Variants in COQ8A observed in about 807,000 individuals in gnomAD.
COQ8A encodes the protein atypical kinase COQ8A, mitochondrial.
COQ8A carries 51 observed loss-of-function variants against 65.0 expected under a neutral mutation model. The ratio of observed to expected loss-of-function variants is 0.78; its 90% CI spans 0.63 to 0.99. The LOEUF is 0.99. COQ8A is among the 50% of genes least tolerant of loss of function. The probability of loss-of-function intolerance (pLI) is 0.00; values close to 1 mark genes in which losing one functional copy is unlikely to be tolerated. For synonymous variants in COQ8A, 371 were observed against 353.2 expected (o/e 1.05, Z -0.57); for missense variants, 940 against 875.0 (o/e 1.07, Z -0.94).
rs1280896156 is a variant in COQ8A at position 226,978,621 on chromosome 1, T to C, written c.730+1098T>C. Among the ~76,000 whole-genome samples the C allele has an allele frequency of 3.5e-5, 2 of 57,722 alleles. 1 individual carries two copies. Among genetic ancestry groups the C allele is most frequent in the Non-Finnish European group, 8.5e-5 (2 of 23,540 alleles). The allele number at this position is 57,722 out of a possible 152,430, so 37.9% of individuals were successfully genotyped here. A position where few individuals can be genotyped will look rare whatever the true frequency, so the allele number is the denominator to read the frequency against. The stretch of plus-strand genomic sequence containing the variant: ...CTACCCTCTACACACCCGCCCACCT[T>C]ACACTCCACACACCCGCCCACCTCC... On this transcript the variant is annotated intron_variant, in intron 5 of 14. Coordinates refer to ENST00000366777, the MANE Select transcript of COQ8A (RefSeq NM_020247.5).
Position 226,986,967 on chromosome 1 carries a change from G to C in COQ8A, c.*230G>C, listed in dbSNP as rs117808661. Reference sequence around the variant, plus strand: ...CCCACTGCTCGGTCAGTCTGCCTCCGTGTGTCCTCTGAAATAAGCAGATGA... The same window carrying C: ...CCCACTGCTCGGTCAGTCTGCCTCCCTGTGTCCTCTGAAATAAGCAGATGA... On this transcript the variant is annotated 3_prime_UTR_variant, in exon 15 of 15. Transcript: ENST00000366777. The C allele has an allele frequency of 8.4e-6, 5 of 594,214 alleles. No individual in the cohort carries two copies. The highest frequency in any genetic ancestry group is 5.7e-5 in the East Asian group (2 of 35,100). The allele number at this position is 594,214 out of a possible 1,614,324, so 36.8% of individuals were successfully genotyped here. A position where few individuals can be genotyped will look rare whatever the true frequency, so the allele number is the denominator to read the frequency against.
At chr1:226,964,712 C>T (rs1057391821) in intron 2 of COQ8A, among the ~76,000 whole-genome samples, 1 of 152,226 alleles carries the variant, frequency 6.6e-6, no homozygotes, top group African/African-American at 2.4e-5. Flanking sequence ...GTGAGGAACC[C>T]GCTGCGGGCG....
At chr1:226,960,279 T>TGGC (rs1558187045) in intron 1 of COQ8A, among the ~76,000 whole-genome samples, 5 of 56,912 alleles carry the variant, frequency 8.8e-5, no homozygotes, top group Non-Finnish European at 1.2e-4. Context: ...TTGGTGGCGG[T>TGGC]GGTACTTGGT....
intron 1 of COQ8A, among the ~76,000 whole-genome samples, chr1:226,941,533 G>T (rs952935224): frequency 1.3e-5 from 2 of 152,108 alleles, no homozygotes; most frequent in African/African-American, 4.8e-5. Context: ...TTGGGAGTCC[G>T]AGGCGGGTGG....
chr1:226,948,337 G>T (rs941346313), intron 1 of COQ8A, among the ~76,000 whole-genome samples: 7 of 152,146 alleles, frequency 4.6e-5, no homozygotes, highest in African/African-American at 1.7e-4. Context: ...ACTCTGCCCT[G>T]CCTGCCTCCC....
At chr1:226,965,561 G>T in intron 3 of COQ8A, 110 bp from the exon 4 acceptor site, 1 of 1,504,266 alleles carries the variant, frequency 6.6e-7, no homozygotes, top group East Asian at 2.3e-5. Flanking sequence ...GCTGTCAGGC[G>T]GAGCTGCTGA....
Position 226,977,995 on chromosome 1 carries a change from CCTT to C in COQ8A, c.730+473_730+475del, listed in dbSNP as rs1659355651. On this transcript the variant is annotated intron_variant, in intron 5 of 14. Coordinates refer to ENST00000366777, the MANE Select transcript of COQ8A (RefSeq NM_020247.5). ...ACACCCACTGAACACCCACACACCT[CCTT>C]ATACCTCCTGCACACCCACCGAACA... 1.4e-5 allele frequency among the ~76,000 whole-genome samples: 2 copies of C among 147,434 alleles called. 1 individual carries two copies. The highest frequency in any genetic ancestry group is 4.4e-4 in the South Asian group (2 of 4,536).
At position 226,957,285 on chromosome 1, in the gene COQ8A, C is replaced by CT. The variant is rs1558184873; in HGVS notation, c.-9-4092_-9-4091insT. On this transcript the variant is annotated intron_variant, in intron 1 of 14. Coordinates refer to ENST00000366777, the MANE Select transcript of COQ8A (RefSeq NM_020247.5). ...TCCCAGATTCACACTCTCCCTGCCCCCCCCCCCCCACCTCCCTGGTTCACA... is the reference window on the plus strand; with the variant it reads ...TCCCAGATTCACACTCTCCCTGCCCCTCCCCCCCCCACCTCCCTGGTTCACA... Among the ~76,000 whole-genome samples the CT allele has an allele frequency of 1.5e-5, 2 of 134,098 alleles. 1 individual carries two copies. The highest frequency in any genetic ancestry group is 3.4e-5 in the Non-Finnish European group (2 of 59,298). 88.0% of individuals were successfully genotyped at this position (134,098 alleles called of 152,430 possible). A position where few individuals can be genotyped will look rare whatever the true frequency, so the allele number is the denominator to read the frequency against.
At chr1:226,963,437 C>T (rs1572043273) in intron 2 of COQ8A, among the ~76,000 whole-genome samples, 1 of 133,570 alleles carries the variant, frequency 7.5e-6, no homozygotes, top group Non-Finnish European at 1.6e-5. Context: ...GCCCTGGGGA[C>T]CCCCCCACTG....
intron 1 of COQ8A, among the ~76,000 whole-genome samples, chr1:226,947,817 ATC>A (rs923077896): frequency 1.1e-4 from 15 of 142,336 alleles, no homozygotes; most frequent in African/African-American, 3.7e-4. Context: ...ATATATATAT[ATC>A]TATCTGCCTG....
chr1:226,985,452 C>A, intron 14 of COQ8A, 112 bp downstream of exon 14: 1 of 1,252,138 alleles, frequency 8.0e-7, no homozygotes, highest in Non-Finnish European at 1.2e-6. Context: ...CCCCAGAGCC[C>A]GGGCCTCCTT....
chr1:226,983,068 G>T (rs1412961525), intron 8 of COQ8A, 34 bp downstream of exon 8: 8 of 1,561,074 alleles, frequency 5.1e-6, no homozygotes, highest in Non-Finnish European at 6.9e-6. Context: ...CTGTCCCTAT[G>T]GGGGCTGCAA....
chr1:226,976,407 C>T (rs1263026398), intron 4 of COQ8A, among the ~76,000 whole-genome samples: 5 of 151,458 alleles, frequency 3.3e-5, no homozygotes, highest in African/African-American at 4.8e-5. Flanking sequence ...TGTGGGACTG[C>T]GATGTTGCCT....
At chr1:226,952,635 C>T (rs1175718983) in intron 1 of COQ8A, among the ~76,000 whole-genome samples, 2 of 152,314 alleles carry the variant, frequency 1.3e-5, no homozygotes, top group East Asian at 3.9e-4. Context: ...TGGTCTTAAA[C>T]TCCTGGCTTC....
chr1:226,948,154 ACT>A (rs1394394859), intron 1 of COQ8A, among the ~76,000 whole-genome samples: 1 of 152,208 alleles, frequency 6.6e-6, no homozygotes, highest in Non-Finnish European at 1.5e-5. Flanking sequence ...AATTGGTCTC[ACT>A]AGGCTAGAAT....
intron 1 of COQ8A, among the ~76,000 whole-genome samples, chr1:226,958,965 T>TA (rs1237923312): frequency 6.6e-6 from 1 of 152,190 alleles, no homozygotes; most frequent in Non-Finnish European, 1.5e-5. Context: ...ACTTGTGTAT[T>TA]ACATGGTTTG....
At position 226,982,113 on chromosome 1, in the gene COQ8A, G is replaced by A; in HGVS notation, c.817G>A (p.Ala273Thr). 1.2e-6 allele frequency: 2 copies of A among 1,608,864 alleles called. No individual in the cohort carries two copies. The highest frequency in any genetic ancestry group is 2.7e-5 in the African/African-American group (2 of 74,898). Residue 273 changes from alanine to threonine, a missense_variant, in exon 6 of 15, where the codon GCG (alanine) becomes ACG (threonine). Transcript: ENST00000366777. The part of the protein sequence containing the change: ...IVRTLCKVRG[A>T]ALKLGQMLSI... Reference sequence around the variant, plus strand: ...GCGCACGCTCTGCAAGGTGCGTGGTGCGGCACTCAAGCTGGGCCAGATGCT... The same window carrying A: ...GCGCACGCTCTGCAAGGTGCGTGGTACGGCACTCAAGCTGGGCCAGATGCT...
intron 1 of COQ8A, among the ~76,000 whole-genome samples, chr1:226,952,047 G>A (rs1041371888): frequency 3.3e-5 from 5 of 152,150 alleles, no homozygotes; most frequent in African/African-American, 9.7e-5. Context: ...GAGGATCGGG[G>A]GTAAGCACCC....
At chr1:226,985,934 T>A (rs1217610881) in intron 14 of COQ8A, among the ~76,000 whole-genome samples, 1 of 152,168 alleles carries the variant, frequency 6.6e-6, no homozygotes, top group Non-Finnish European at 1.5e-5. Flanking sequence ...CTCTTCCTTA[T>A]GGCCACTCGC....
Sources: allele counts gnomAD v4.1 joint callset (sites outside exome capture counted in the v4.1 genomes callset), GRCh38; gene constraint gnomAD v4.1.1; transcripts MANE v1.5; gene names NCBI Gene and HGNC (gene_info 2026-07-23, HGNC 2026-07-21).